Variants in NR2C2 observed in about 807,000 individuals in gnomAD.
NR2C2 encodes Nuclear hormone receptor TR4.
In NR2C2, 6 loss-of-function variants were observed where a neutral mutation model predicts 62.9. That is an observed-to-expected ratio of 0.10 (90% CI 0.05 to 0.19). The LOEUF (loss-of-function observed/expected upper bound fraction) is 0.19. Ranked by LOEUF, NR2C2 falls within the 10% of genes least tolerant of loss-of-function variation. NR2C2 has a pLI of 1.00. For synonymous variants in NR2C2, 272 were observed against 273.8 expected (o/e 0.99, Z 0.07); for missense variants, 479 against 762.7 (o/e 0.63, Z 4.38).
chr3:14,969,974 A>G (rs1287425225), intron 1 of NR2C2, among the ~76,000 whole-genome samples: 1 of 152,210 alleles, frequency 6.6e-6, no homozygotes, highest in Non-Finnish European at 1.5e-5. Flanking sequence ...GTGTGCTGGA[A>G]TGCCTAACTC....
chr3:15,047,838 A>G lies in NR2C2; in HGVS notation c.*4830A>G, dbSNP rs1436953266. The stretch of plus-strand genomic sequence containing the variant: ...ATGTAAATGACTTTAACTCCTTTCT[A>G]TAAGTTATGATTTTAAATTTTCAGA... On this transcript the variant is annotated 3_prime_UTR_variant, in exon 14 of 14. Transcript: ENST00000425241. 6.6e-6 allele frequency: 1 copy of G among 152,182 alleles called. No individual in the cohort carries two copies. Among genetic ancestry groups the G allele is most frequent in the Non-Finnish European group, 1.5e-5 (1 of 68,028 alleles). The allele number at this position is 152,182 out of a possible 1,614,324, so 9.4% of individuals were successfully genotyped here. A position where few individuals can be genotyped will look rare whatever the true frequency, so the allele number is the denominator to read the frequency against.
intron 7 of NR2C2, chr3:15,025,550 A>G (rs1460394044): frequency 6.6e-6 from 1 of 152,234 alleles, no homozygotes. Flanking sequence ...CCCCCACAGA[A>G]GTTTGATACG....
chr3:15,036,061 A>G (rs1431507427), intron 11 of NR2C2, among the ~76,000 whole-genome samples: 1 of 150,850 alleles, frequency 6.6e-6, no homozygotes, highest in African/African-American at 2.4e-5. Flanking sequence ...ATGGTGGCGC[A>G]TGCCTGTAAT....
chr3:15,007,397 G>A (rs1574995714), intron 2 of NR2C2, among the ~76,000 whole-genome samples: 1 of 152,124 alleles, frequency 6.6e-6, no homozygotes, highest in Admixed American at 6.5e-5. Flanking sequence ...AAAATTCTGG[G>A]ATTACAGGCA....
rs1559318999 is a variant in NR2C2, at chr3:15,045,500, T to C, written c.*2492T>C. ...GTGATGGCTGATTCCAGGGACTGTT[T>C]TGGGCTTTGAACACCTCTTGGTTGG... On this transcript the variant is annotated 3_prime_UTR_variant, in exon 14 of 14. Coordinates refer to ENST00000425241, the MANE Select transcript of NR2C2 (RefSeq NM_001291694.2). 6.5e-6 allele frequency: 1 copy of C among 152,714 alleles called. No homozygotes were observed. Among genetic ancestry groups the C allele is most frequent in the East Asian group, 1.9e-4 (1 of 5,196 alleles). The allele number at this position is 152,714 out of a possible 1,614,324, so 9.5% of individuals were successfully genotyped here.
rs1488665336 is a variant in NR2C2 at position 15,045,001 on chromosome 3, G to T, written c.*1993G>T. ...AGTGGCCATTATAAAATGATGGAAA[G>T]GATTTAATTTTGCCAGCTTAAAGTA... On this transcript the variant is annotated 3_prime_UTR_variant, in exon 14 of 14. Transcript: ENST00000425241. 6.6e-6 allele frequency: 1 copy of T among 152,170 alleles called. No individual in the cohort carries two copies. The highest frequency in any genetic ancestry group is 1.5e-5 in the Non-Finnish European group (1 of 68,024). The allele number at this position is 152,170 out of a possible 1,614,324, so 9.4% of individuals were successfully genotyped here.
intron 1 of NR2C2, among the ~76,000 whole-genome samples, chr3:14,988,873 C>G (rs1453876349): frequency 6.6e-6 from 1 of 152,100 alleles, no homozygotes. Flanking sequence ...CACATGCAAA[C>G]TTCTGTTTGT....
At position 14,953,610 on chromosome 3, in the gene NR2C2, G is replaced by A. The variant is rs114180423; in HGVS notation, c.-40+5704G>A. Among the ~76,000 whole-genome samples, 230 of 152,114 alleles carry A rather than the reference G, an allele frequency of 1.5e-3. 1 individual carries two copies. The highest frequency in any genetic ancestry group is 5.0e-3 in the African/African-American group (207 of 41,520). ...ATGTTCCTTAAAAAGAAAGATTCAC[G>A]TATGGCCAGGCGTGGTGGCTCACCC... On this transcript the variant is annotated intron_variant, in intron 1 of 13. Transcript: ENST00000425241.
At chr3:14,968,035 C>G (rs1194246458) in intron 1 of NR2C2, among the ~76,000 whole-genome samples, 1 of 152,162 alleles carries the variant, frequency 6.6e-6, no homozygotes, top group Non-Finnish European at 1.5e-5. Context: ...CATAAAAACC[C>G]TAGAATAAAA....
chr3:14,994,193 A>T (rs2040751975), intron 1 of NR2C2, among the ~76,000 whole-genome samples: 1 of 152,168 alleles, frequency 6.6e-6, no homozygotes, highest in Non-Finnish European at 1.5e-5. Flanking sequence ...TACTGATTTT[A>T]AATAAACTTT....
chr3:15,047,585 G>A lies in NR2C2; in HGVS notation c.*4577G>A, dbSNP rs1380715285. ...ATTCAGAACGGTCTGTGTCAGTGAG[G>A]CCTGACTCCCAAAGATGGTAGCAAT... On this transcript the variant is annotated 3_prime_UTR_variant, in exon 14 of 14. Transcript: ENST00000425241. 1 of 152,250 alleles carries A rather than the reference G, an allele frequency of 6.6e-6. No individual in the cohort carries two copies. The highest frequency in any genetic ancestry group is 2.4e-5 in the African/African-American group (1 of 41,452). The allele number at this position is 152,250 out of a possible 1,614,324, so 9.4% of individuals were successfully genotyped here.
chr3:14,995,696 C>T (rs969737290), intron 1 of NR2C2, among the ~76,000 whole-genome samples: 1 of 85,686 alleles, frequency 1.2e-5, no homozygotes, highest in African/African-American at 9.0e-5. Context: ...TGTGTGTACA[C>T]CTAAGAGTGG....
chr3:15,020,634 C>G (rs1350019677), intron 4 of NR2C2, 119 bp from the exon 5 acceptor site: 8 of 1,141,598 alleles, frequency 7.0e-6, no homozygotes, highest in Non-Finnish European at 1.0e-5. Flanking sequence ...CTGTTGGCAT[C>G]TAACAGTGTA....
At chr3:15,010,874 C>T (rs1290413719) in intron 2 of NR2C2, among the ~76,000 whole-genome samples, 1 of 152,146 alleles carries the variant, frequency 6.6e-6, no homozygotes, top group Non-Finnish European at 1.5e-5. Context: ...CAAGAAATGA[C>T]ATGCTGGTTA....
intron 2 of NR2C2, among the ~76,000 whole-genome samples, chr3:15,011,767 G>T (rs1276647215): frequency 6.6e-6 from 1 of 152,172 alleles, no homozygotes; most frequent in Non-Finnish European, 1.5e-5. Flanking sequence ...TCTTGCACTT[G>T]GCTGTGCCGT....
intron 10 of NR2C2, 54 bp from the exon 11 acceptor site, chr3:15,034,616 A>C (rs755579925): frequency 1.9e-6 from 3 of 1,588,302 alleles, no homozygotes; most frequent in East Asian, 2.3e-5. Context: ...ATGCCCCACA[A>C]CCTTGGAGAA....
chr3:14,962,938 GGTTGTTCCTTTA>G (rs1274318829), intron 1 of NR2C2, among the ~76,000 whole-genome samples: 2 of 152,128 alleles, frequency 1.3e-5, no homozygotes, highest in Non-Finnish European at 2.9e-5. Flanking sequence ...ATGAGTCATG[GGTTGTTCCTTTA>G]GTGATCTCAA....
chr3:15,010,711 CAAA>C (rs541686657), intron 2 of NR2C2, among the ~76,000 whole-genome samples: 5 of 126,082 alleles, frequency 4.0e-5, no homozygotes, highest in East Asian at 2.4e-4. Context: ...GACCCTGTCT[CAAA>C]AAAAAAAAAA....
chr3:15,006,007 A>T (rs2124944036), intron 2 of NR2C2, among the ~76,000 whole-genome samples: 1 of 152,132 alleles, frequency 6.6e-6, no homozygotes, highest in South Asian at 2.1e-4. Flanking sequence ...GGAGTTCGAG[A>T]CCAGCCTGGG....
Sources: gnomAD v4.1 joint callset for allele counts (sites outside exome capture counted in the v4.1 genomes callset) on GRCh38, gnomAD v4.1.1 for gene constraint, MANE v1.5 for transcripts, NCBI Gene and HGNC (gene_info 2026-07-23, HGNC 2026-07-21) for gene names.